Variants in FAM81A observed in about 807,000 individuals in gnomAD.
The protein encoded by FAM81A is protein FAM81A.
Under a neutral mutation model 46.7 loss-of-function variants are expected in FAM81A, and 19 were observed. The observed-to-expected ratio is 0.41, with a 90% CI of 0.28 to 0.60. The LOEUF is 0.60. FAM81A is among the 20% of genes least tolerant of loss of function. FAM81A has a pLI of 0.34. For missense variants in FAM81A, 377 were observed against 453.5 expected, an observed-to-expected ratio of 0.83 and a Z score of 1.53; for synonymous variants, 183 against 152.9, an observed-to-expected ratio of 1.20 and a Z score of -1.45.
At chr15:59,512,331 G>A (rs2082219484) in intron 6 of FAM81A, among the ~76,000 whole-genome samples, 1 of 151,878 alleles carries the variant, frequency 6.6e-6, no homozygotes, top group African/African-American at 2.4e-5. Context: ...AATTAGCTGG[G>A]CATGGTGGTG....
At chr15:59,451,391 C>G (rs1397433928) in intron 1 of FAM81A, among the ~76,000 whole-genome samples, 3 of 152,004 alleles carry the variant, frequency 2.0e-5, no homozygotes, top group African/African-American at 7.3e-5. Flanking sequence ...CCTAATGCAT[C>G]CCCCTCTATT....
chr15:59,518,943 CTG>C (rs34494392), intron 8 of FAM81A, among the ~76,000 whole-genome samples: 10,200 of 142,890 alleles, frequency 0.071, 694 homozygotes, highest in African/African-American at 0.19. Flanking sequence ...GTGTGTGTGT[CTG>C]TGTGTGTGTG....
intron 3 of FAM81A, among the ~76,000 whole-genome samples, chr15:59,462,597 A>G (rs1174331574): frequency 1.3e-5 from 2 of 152,160 alleles, no homozygotes; most frequent in African/African-American, 2.4e-5. Flanking sequence ...AATCATTATT[A>G]CTGTCTATTT....
chr15:59,432,857 C>T (rs909637366), intron 2 of FAM81A, among the ~76,000 whole-genome samples: 4 of 151,790 alleles, frequency 2.6e-5, no homozygotes, highest in Non-Finnish European at 2.9e-5. Flanking sequence ...AAAATCAGGC[C>T]GGGCATGGTG....
At chr15:59,424,881 G>A (rs532497168) in intron 2 of FAM81A, among the ~76,000 whole-genome samples, 9 of 152,004 alleles carry the variant, frequency 5.9e-5, no homozygotes, top group African/African-American at 9.6e-5. Context: ...TTATGCCCTC[G>A]TAATTCGTTC....
intron 3 of FAM81A, among the ~76,000 whole-genome samples, chr15:59,487,135 G>A (rs1456872632): frequency 9.6e-6 from 1 of 103,936 alleles, no homozygotes; most frequent in East Asian, 3.1e-4. Flanking sequence ...TAAAAAGTGT[G>A]GAGATGATGT....
intron 1 of FAM81A, chr15:59,446,297 C>T (rs752906054): frequency 6.6e-6 from 1 of 152,148 alleles, no homozygotes; most frequent in Non-Finnish European, 1.5e-5. Flanking sequence ...TCTGTTTTTG[C>T]AAGGGTTCTC....
chr15:59,493,944 C>G (rs181132597), intron 4 of FAM81A, among the ~76,000 whole-genome samples: 5 of 152,124 alleles, frequency 3.3e-5, no homozygotes, highest in South Asian at 2.1e-4. Context: ...AGTGTCACCC[C>G]CTCTGGGAGT....
At chr15:59,499,379 TG>T (rs1237052135) in intron 4 of FAM81A, among the ~76,000 whole-genome samples, 8 of 152,216 alleles carry the variant, frequency 5.3e-5, no homozygotes, top group African/African-American at 1.9e-4. Context: ...GTTCTATGTA[TG>T]TAACAATACA....
intron 3 of FAM81A, among the ~76,000 whole-genome samples, chr15:59,466,864 A>G (rs1468771585): frequency 6.6e-6 from 1 of 152,150 alleles, no homozygotes; most frequent in African/African-American, 2.4e-5. Context: ...TCTTTAATCC[A>G]TCTTGAATTA....
chr15:59,463,966 C>A (rs1596492130), intron 3 of FAM81A, among the ~76,000 whole-genome samples: 1 of 152,026 alleles, frequency 6.6e-6, no homozygotes, highest in African/African-American at 2.4e-5. Context: ...TATCTCCTTC[C>A]CTTCCCCCTA....
rs759011986 is a variant in FAM81A at position 59,401,433 on chromosome 15, C to T, written c.-160-843C>T. 2.4e-5 allele frequency: 19 copies of T among 803,060 alleles called. 1 individual carries two copies. Among genetic ancestry groups the T allele is most frequent in the South Asian group, 1.9e-4 (14 of 74,358 alleles). The allele number at this position is 803,060 out of a possible 1,614,324, so 49.7% of individuals were successfully genotyped here. A position where few individuals can be genotyped will look rare whatever the true frequency, so the allele number is the denominator to read the frequency against. On this transcript the variant is annotated intron_variant, in intron 1 of 4. Coordinates refer to the FAM81A transcript ENST00000558348. ...CCAAATATTGGTAGGCAAAAGGTGA[C>T]TTTCAGTTCAGGATATGTTACATGG...
At chr15:59,519,025 A>G (rs2082298295) in intron 8 of FAM81A, among the ~76,000 whole-genome samples, 1 of 151,666 alleles carries the variant, frequency 6.6e-6, no homozygotes, top group Non-Finnish European at 1.5e-5. Flanking sequence ...CCCAAATACA[A>G]TACAATATTA....
chr15:59,465,837 C>T (rs2081605832), intron 3 of FAM81A, among the ~76,000 whole-genome samples: 1 of 152,022 alleles, frequency 6.6e-6, no homozygotes, highest in African/African-American at 2.4e-5. Context: ...TAATGCTATC[C>T]CGCCCCCAGC....
At chr15:59,489,298 C>T (rs923988937) in intron 3 of FAM81A, among the ~76,000 whole-genome samples, 5 of 150,468 alleles carry the variant, frequency 3.3e-5, no homozygotes, top group African/African-American at 9.8e-5. Flanking sequence ...TACATACATA[C>T]ATACATACAT....
intron 3 of FAM81A, among the ~76,000 whole-genome samples, chr15:59,481,806 G>C (rs191241731): frequency 1.3e-4 from 19 of 151,866 alleles, no homozygotes; most frequent in African/African-American, 4.1e-4. Flanking sequence ...CTCCAGGAAA[G>C]TTGTATTGGG....
chr15:59,482,656 A>C (rs561898473), intron 3 of FAM81A, among the ~76,000 whole-genome samples: 2 of 152,228 alleles, frequency 1.3e-5, no homozygotes, highest in African/African-American at 2.4e-5. Context: ...TTGCATGCGT[A>C]ACAAGCCATC....
chr15:59,499,467 C>T (rs4474632), intron 4 of FAM81A, among the ~76,000 whole-genome samples: 59 of 152,148 alleles, frequency 3.9e-4, no homozygotes, highest in Middle Eastern at 3.4e-3. Context: ...TTATATTGCT[C>T]GTTATAATTA....
intron 4 of FAM81A, among the ~76,000 whole-genome samples, chr15:59,506,153 T>G (rs767672347): frequency 6.7e-6 from 1 of 149,478 alleles, no homozygotes; most frequent in African/African-American, 2.4e-5. Context: ...TTTTTTTGTT[T>G]GTTTGTTTTG....
Sources: gnomAD v4.1 joint callset for allele counts (sites outside exome capture counted in the v4.1 genomes callset) on GRCh38, gnomAD v4.1.1 for gene constraint, MANE v1.5 for transcripts, NCBI Gene and HGNC (gene_info 2026-07-23, HGNC 2026-07-21) for gene names.